Variants in VAV2 observed in about 807,000 individuals in gnomAD.
The protein encoded by VAV2 is vav guanine nucleotide exchange factor 2, also known as guanine nucleotide exchange factor VAV2.
In VAV2, 67 loss-of-function variants were observed where a neutral mutation model predicts 132.5. The ratio of observed to expected loss-of-function variants is 0.51; its 90% CI spans 0.42 to 0.62. The LOEUF is 0.62. Ranked by LOEUF, VAV2 falls within the 20% of genes least tolerant of loss-of-function variation. The probability of loss-of-function intolerance (pLI) is 0.00; values close to 1 mark genes in which losing one functional copy is unlikely to be tolerated. For missense variants in VAV2, 938 were observed against 1,153.6 expected, an observed-to-expected ratio of 0.81 and a Z score of 2.71; for synonymous variants, 492 against 443.5, an observed-to-expected ratio of 1.11 and a Z score of -1.37.
At chr9:133,940,229 G>A (rs1185226198) in intron 1 of VAV2, among the ~76,000 whole-genome samples, 1 of 152,168 alleles carries the variant, frequency 6.6e-6, no homozygotes, top group East Asian at 1.9e-4. Context: ...GCACTGGGGT[G>A]TGGGAGCCAT....
chr9:133,816,869 C>T (rs1835579791), intron 4 of VAV2, among the ~76,000 whole-genome samples: 1 of 152,228 alleles, frequency 6.6e-6, no homozygotes, highest in African/African-American at 2.4e-5. Flanking sequence ...TATCTTTACA[C>T]TAACACTTCT....
intron 9 of VAV2, among the ~76,000 whole-genome samples, chr9:133,805,037 G>C (rs772819295): frequency 5.3e-5 from 8 of 152,108 alleles, no homozygotes; most frequent in Non-Finnish European, 1.0e-4. Flanking sequence ...AGCACCTGCA[G>C]GGCTTCCCAG....
At chr9:133,810,273 G>A in intron 5 of VAV2, 68 bp from the exon 6 acceptor site, 2 of 1,607,300 alleles carry the variant, frequency 1.2e-6, no homozygotes, top group Non-Finnish European at 1.7e-6. Context: ...TGGCAAGCTG[G>A]GCCTGGGACA....
At chr9:133,895,136 G>C (rs1839146130) in intron 2 of VAV2, among the ~76,000 whole-genome samples, 1 of 152,296 alleles carries the variant, frequency 6.6e-6, no homozygotes, top group South Asian at 2.1e-4. Flanking sequence ...AGGGGCAGGG[G>C]AGGGGGACAG....
intron 2 of VAV2, among the ~76,000 whole-genome samples, chr9:133,875,262 G>A (rs982869449): frequency 3.9e-5 from 6 of 152,188 alleles, no homozygotes; most frequent in African/African-American, 1.2e-4. Flanking sequence ...AACCCTCCGT[G>A]CCAAGGCCAG....
At chr9:133,972,099 C>T (rs1842354856) in intron 1 of VAV2, among the ~76,000 whole-genome samples, 1 of 152,180 alleles carries the variant, frequency 6.6e-6, no homozygotes, top group South Asian at 2.1e-4. Flanking sequence ...TAGCCACACA[C>T]ACCCACACAC....
intron 2 of VAV2, among the ~76,000 whole-genome samples, chr9:133,938,546 AAC>A (rs2132133217): frequency 6.6e-6 from 1 of 152,174 alleles, no homozygotes; most frequent in African/African-American, 2.4e-5. Flanking sequence ...GCTTCCTGAG[AAC>A]ACAGAGACAC....
At chr9:133,932,696 G>T (rs990837958) in intron 2 of VAV2, among the ~76,000 whole-genome samples, 1 of 147,586 alleles carries the variant, frequency 6.8e-6, no homozygotes, top group African/African-American at 2.5e-5. Flanking sequence ...TCCAACTCGC[G>T]TCCAGGTCTG....
chr9:133,979,120 A>G (rs1323709831), intron 1 of VAV2, among the ~76,000 whole-genome samples: 2 of 152,180 alleles, frequency 1.3e-5, no homozygotes, highest in East Asian at 1.9e-4. Flanking sequence ...CTTTCGTGCC[A>G]GGGGTGGTGG....
Position 133,804,614 on chromosome 9 carries a change from C to T in VAV2, c.836+1467G>A, listed in dbSNP as rs1028520784. On this transcript the variant is annotated intron_variant, in intron 9 of 29. Transcript: ENST00000371850. This position sits in a 1 kb window ranked among gnomAD's most constrained non-coding sequence, Gnocchi z 4.5. ...CTTTGACGGACCTCGAAGCAAACCA[C>T]GCCTCATCCGTGGCTCCCTCCCTTC... Among the ~76,000 whole-genome samples, 3 of 152,222 alleles carry T rather than the reference C, an allele frequency of 2.0e-5. No individual in the cohort carries two copies. The highest frequency in any genetic ancestry group is 4.1e-4 in the South Asian group (2 of 4,832).
chr9:133,908,142 C>T (rs1839742903), intron 2 of VAV2, among the ~76,000 whole-genome samples: 1 of 150,790 alleles, frequency 6.6e-6, no homozygotes, highest in Admixed American at 6.6e-5. Flanking sequence ...CTTCACTGGC[C>T]CCCCAAAGAG....
intron 4 of VAV2, among the ~76,000 whole-genome samples, chr9:133,821,105 C>G (rs1405753293): frequency 2.0e-5 from 3 of 152,230 alleles, no homozygotes; most frequent in Non-Finnish European, 4.4e-5. Context: ...ACAATTACAT[C>G]ACTCTCCTGT....
At chr9:133,837,724 A>C (rs1028515939) in intron 3 of VAV2, among the ~76,000 whole-genome samples, 2 of 151,964 alleles carry the variant, frequency 1.3e-5, no homozygotes, top group African/African-American at 2.4e-5. Context: ...AAAAAAAAAA[A>C]AAAACCTTTT....
chr9:133,822,995 T>C (rs2131737673), intron 4 of VAV2, among the ~76,000 whole-genome samples: 1 of 152,234 alleles, frequency 6.6e-6, no homozygotes, highest in South Asian at 2.1e-4. Context: ...TGCAGAGTTG[T>C]GAGGGCTGAG....
intron 2 of VAV2, among the ~76,000 whole-genome samples, chr9:133,904,733 A>C (rs1248152674): frequency 1.3e-5 from 2 of 152,218 alleles, no homozygotes; most frequent in African/African-American, 4.8e-5. Context: ...TCAATGCACC[A>C]CTACTGTCCA....
rs150746884 is a variant in VAV2 at position 133,987,494 on chromosome 9, G to T, written c.204+4581C>A. Among the ~76,000 whole-genome samples, 524 of 152,370 alleles carry T rather than the reference G, an allele frequency of 3.4e-3. 4 individuals are homozygous for T. The highest frequency in any genetic ancestry group is 0.012 in the African/African-American group (506 of 41,588). On this transcript the variant is annotated intron_variant, in intron 1 of 29. Transcript: ENST00000371850. ...GGCACACATCAAAAAGGCCCGGAGG[G>T]GGGGATGCCAAAACCATCGCCAGGC...
intron 27 of VAV2, 71 bp downstream of exon 27, chr9:133,770,307 G>C: frequency 6.2e-7 from 1 of 1,601,754 alleles, no homozygotes; most frequent in Non-Finnish European, 8.5e-7. Flanking sequence ...GGCAGGATCT[G>C]AGCCCTGGGA....
At chr9:133,778,625 CT>C in intron 22 of VAV2, 136 bp downstream of exon 22, 1 of 1,348,348 alleles carries the variant, frequency 7.4e-7, no homozygotes, top group Non-Finnish European at 9.9e-7. Context: ...GCTAGGCCCC[CT>C]GTGCCTCCTC....
At chr9:133,943,384 G>A (rs1367952900) in intron 1 of VAV2, among the ~76,000 whole-genome samples, 1 of 152,236 alleles carries the variant, frequency 6.6e-6, no homozygotes, top group Non-Finnish European at 1.5e-5. Context: ...ATGGTGGTCA[G>A]CGCCAGGTGA....
Sources: allele counts gnomAD v4.1 joint callset (sites outside exome capture counted in the v4.1 genomes callset), GRCh38; gene constraint gnomAD v4.1.1; non-coding constraint Gnocchi (gnomAD v3.1); transcripts MANE v1.5; gene names NCBI Gene and HGNC (gene_info 2026-07-23, HGNC 2026-07-21).